DLGAP1: variants seen among roughly 807,000 people sequenced by gnomAD.
The protein encoded by DLGAP1 is DLG associated protein 1.
DLGAP1 carries 11 observed loss-of-function variants against 90.8 expected under a neutral mutation model. That is an observed-to-expected ratio of 0.12 (90% confidence interval 0.08 to 0.20). The LOEUF is 0.20. Among genes scored for constraint, DLGAP1 ranks in the 10% least tolerant of loss-of-function variants. DLGAP1 has a pLI of 1.00. For synonymous variants in DLGAP1, 558 were observed against 540.7 expected (o/e 1.03, Z -0.44); for missense variants, 1,050 against 1,333.8 (o/e 0.79, Z 3.31).
At chr18:3,567,177 A>G (rs2054483601) in intron 9 of DLGAP1, among the ~76,000 whole-genome samples, 1 of 152,114 alleles carries the variant, frequency 6.6e-6, no homozygotes, top group Admixed American at 6.5e-5. Context: ...TAAAAAGTGC[A>G]CTGTCTCATA....
intron 1 of DLGAP1, among the ~76,000 whole-genome samples, chr18:4,420,964 AT>A (rs1241878581): frequency 6.6e-6 from 1 of 152,182 alleles, no homozygotes; most frequent in Admixed American, 6.5e-5. Context: ...ATATCTGATG[AT>A]TCTTGAGAAT....
intron 1 of DLGAP1, among the ~76,000 whole-genome samples, chr18:4,452,820 T>TC (rs143398300): frequency 0.039 from 5,987 of 152,248 alleles, 361 homozygotes; most frequent in African/African-American, 0.13. Context: ...ACTCATTATT[T>TC]CCCCAAAGCA....
intron 1 of DLGAP1, among the ~76,000 whole-genome samples, chr18:4,232,549 T>C (rs1444966689): frequency 6.6e-6 from 1 of 152,120 alleles, no homozygotes; most frequent in African/African-American, 2.4e-5. Flanking sequence ...TATAAGACAA[T>C]GTTGTTGTAA....
chr18:3,971,063 C>G (rs1433221307), intron 3 of DLGAP1, among the ~76,000 whole-genome samples: 1 of 152,182 alleles, frequency 6.6e-6, no homozygotes, highest in Non-Finnish European at 1.5e-5. Flanking sequence ...CACCCCACAT[C>G]TATTCCAGGT....
intron 1 of DLGAP1, among the ~76,000 whole-genome samples, chr18:4,398,410 G>A (rs1048859616): frequency 2.0e-5 from 3 of 152,112 alleles, no homozygotes; most frequent in Non-Finnish European, 2.9e-5. Context: ...CAGTGAAAGG[G>A]GAAATTACAT....
At chr18:3,780,538 C>A (rs1305973694) in intron 5 of DLGAP1, among the ~76,000 whole-genome samples, 2 of 152,146 alleles carry the variant, frequency 1.3e-5, no homozygotes, top group Non-Finnish European at 2.9e-5. Flanking sequence ...CCCTCCAACG[C>A]TAACTTTTCC....
chr18:4,113,022 C>T (rs1385649659), intron 2 of DLGAP1, among the ~76,000 whole-genome samples: 2 of 152,008 alleles, frequency 1.3e-5, no homozygotes. Flanking sequence ...TGATGGGCAA[C>T]TAGGTTGAGT....
chr18:4,051,399 T>C (rs989878581), intron 2 of DLGAP1, among the ~76,000 whole-genome samples: 1 of 152,224 alleles, frequency 6.6e-6, no homozygotes, highest in Non-Finnish European at 1.5e-5. Context: ...AGCAAGCATG[T>C]CTTTCTTCAC....
chr18:4,191,988 C>A (rs2077409383), intron 1 of DLGAP1, among the ~76,000 whole-genome samples: 1 of 152,004 alleles, frequency 6.6e-6, no homozygotes, highest in South Asian at 2.1e-4. Context: ...CCAAGAGAAC[C>A]CTGAAGCAAC....
At chr18:3,502,377 T>C (rs2049984318) in intron 12 of DLGAP1, 116 bp downstream of exon 12, 2 of 1,481,656 alleles carry the variant, frequency 1.3e-6, no homozygotes, top group South Asian at 1.4e-5. Flanking sequence ...GAAATTAATA[T>C]GATATCAGCT....
chr18:4,094,256 T>G (rs561503075), intron 2 of DLGAP1, among the ~76,000 whole-genome samples: 2 of 152,200 alleles, frequency 1.3e-5, no homozygotes, highest in Non-Finnish European at 2.9e-5. Flanking sequence ...CATATTAATC[T>G]TATCTCTTTC....
At chr18:4,055,139 G>C (rs892036695) in intron 2 of DLGAP1, among the ~76,000 whole-genome samples, 3 of 152,170 alleles carry the variant, frequency 2.0e-5, no homozygotes, top group Non-Finnish European at 4.4e-5. Context: ...GAGCAGTGAG[G>C]TTGGCACAGG....
intron 3 of DLGAP1, among the ~76,000 whole-genome samples, chr18:3,950,204 GA>G: frequency 6.6e-6 from 1 of 152,290 alleles, no homozygotes; most frequent in African/African-American, 2.4e-5. Flanking sequence ...AAAAGAGGCA[GA>G]GCCAGTATTT....
At chr18:4,211,431 T>C (rs2077838630) in intron 1 of DLGAP1, among the ~76,000 whole-genome samples, 1 of 152,186 alleles carries the variant, frequency 6.6e-6, no homozygotes, top group Non-Finnish European at 1.5e-5. Flanking sequence ...AGGGAGATTG[T>C]TTAATTACCA....
At chr18:4,303,992 T>C (rs2080189806) in intron 1 of DLGAP1, among the ~76,000 whole-genome samples, 1 of 152,208 alleles carries the variant, frequency 6.6e-6, no homozygotes, top group Admixed American at 6.5e-5. Context: ...TAAGCAAAAT[T>C]ATAAATATTT....
chr18:3,518,251 G>A (rs2050962313), intron 10 of DLGAP1, among the ~76,000 whole-genome samples: 1 of 152,196 alleles, frequency 6.6e-6, no homozygotes. Flanking sequence ...GGAATGGCAG[G>A]TCGGTGGAGC....
intron 2 of DLGAP1, among the ~76,000 whole-genome samples, chr18:4,120,195 AGCTCCT>A (rs1413270992): frequency 6.6e-6 from 1 of 152,236 alleles, no homozygotes; most frequent in Non-Finnish European, 1.5e-5. Context: ...ACACTTATAA[AGCTCCT>A]AGTTGTTCAG....
chr18:3,663,200 G>A (rs1343624095), intron 7 of DLGAP1, among the ~76,000 whole-genome samples: 2 of 151,994 alleles, frequency 1.3e-5, no homozygotes, highest in African/African-American at 4.8e-5. Flanking sequence ...GAATCTGGGA[G>A]GTGGAGGTTG....
At chr18:3,740,610 A>G (rs1035102346) in intron 6 of DLGAP1, among the ~76,000 whole-genome samples, 9 of 152,040 alleles carry the variant, frequency 5.9e-5, no homozygotes, top group Non-Finnish European at 1.3e-4. Context: ...TCAGGGTCTT[A>G]TTTTGACAGA....
Sources: gnomAD v4.1 joint callset for allele counts (sites outside exome capture counted in the v4.1 genomes callset) on GRCh38, gnomAD v4.1.1 for gene constraint, MANE v1.5 for transcripts, NCBI Gene and HGNC (gene_info 2026-07-23, HGNC 2026-07-21) for gene names.